SNRNP70: variants seen among roughly 807,000 people sequenced by gnomAD.
SNRNP70 encodes U1 small nuclear ribonucleoprotein 70 kDa.
In SNRNP70, 8 loss-of-function variants were observed where a neutral mutation model predicts 50.5. The ratio of observed to expected loss-of-function variants is 0.16; its 90% CI spans 0.09 to 0.29. SNRNP70 has a LOEUF of 0.29. Ranked by LOEUF, SNRNP70 falls within the 10% of genes least tolerant of loss-of-function variation. The pLI, the probability that SNRNP70 is intolerant of heterozygous loss-of-function variation, is 1.00. For synonymous variants in SNRNP70, 320 were observed against 252.9 expected (o/e 1.27, Z -2.52); for missense variants, 529 against 663.5 (o/e 0.80, Z 2.23).
rs1382599939 is a variant in SNRNP70 at position 49,090,606 on chromosome 19, C to T, written c.265+86C>T. 3.9e-6 allele frequency: 5 copies of T among 1,272,160 alleles called. No homozygotes were observed. In the East Asian group the frequency reaches 1.2e-4, roughly 30 times the overall value. The allele number at this position is 1,272,160 out of a possible 1,614,324, so 78.8% of individuals were successfully genotyped here. On this transcript the variant is annotated intron_variant, in intron 4 of 9. Transcript: ENST00000598441. ...GTCATACCCAGGACCCTGCTGTCTC[C>T]CTAAGGCCTGTGTTGTGGGGAACAG...
At position 49,104,558 on chromosome 19, in the gene SNRNP70, T is replaced by C; in HGVS notation, c.476-76T>C. On this transcript the variant is annotated intron_variant, in intron 7 of 9. Coordinates refer to ENST00000598441, the MANE Select transcript of SNRNP70 (RefSeq NM_003089.6). This position sits in a 1 kb window ranked among gnomAD's most constrained non-coding sequence, Gnocchi z 5.4. ...TGATGGGGACACGGGGCGGGGATTC[T>C]GTAGAGCTGGGCCTGTCCTGACTAG... 8.9e-7 allele frequency: 1 copy of C among 1,125,030 alleles called. No homozygotes were observed. Among genetic ancestry groups the C allele is most frequent in the South Asian group, 1.3e-5 (1 of 75,354 alleles). 69.7% of individuals were successfully genotyped at this position (1,125,030 alleles called of 1,614,324 possible). A position where few individuals can be genotyped will look rare whatever the true frequency, so the allele number is the denominator to read the frequency against.
At chr19:49,102,744 T>G (rs2040605924) in intron 7 of SNRNP70, 1 of 153,056 alleles carries the variant, frequency 6.5e-6, no homozygotes. Flanking sequence ...GCTTGGGGTG[T>G]GGGAGGGACC....
At position 49,096,595 on chromosome 19, in the gene SNRNP70, G is replaced by C. The variant is rs1050176946; in HGVS notation, c.266-1832G>C. The stretch of plus-strand genomic sequence containing the variant: ...AGCCTGGCCAACATAGTGAAACCCC[G>C]TCTCTACTAAAAATACAAAAGATTA... On this transcript the variant is annotated intron_variant, in intron 4 of 9. Transcript: ENST00000598441. 2.6e-4 allele frequency among the ~76,000 whole-genome samples: 37 copies of C among 143,588 alleles called. No homozygotes were observed. In the Admixed American group the frequency reaches 2.6e-3, roughly 10 times the overall value. The allele number at this position is 143,588 out of a possible 152,430, so 94.2% of individuals were successfully genotyped here.
At position 49,108,355 on chromosome 19, in the gene SNRNP70, A is replaced by G; in HGVS notation, c.1226A>G (p.Asp409Gly). The change falls in exon 10 of 10, where the codon GAC (aspartate) becomes GGC (glycine). Residue 409 changes from aspartate to glycine, a missense_variant. This residue lies in a region of SNRNP70 where 327 missense variants were observed against 308.8 expected (regional missense o/e 1.06). Transcript: ENST00000598441. Reference sequence around the variant, plus strand: ...AACGGGCTGGAGGGTCTGGGCAACGACAGCCGAGACATGTACATGGAGTCT... The same window carrying G: ...AACGGGCTGGAGGGTCTGGGCAACGGCAGCCGAGACATGTACATGGAGTCT... ...QDNGLEGLGN[D>G]SRDMYMESEG... 1.9e-6 allele frequency: 3 copies of G among 1,608,754 alleles called. No homozygotes were observed. In the South Asian group the frequency reaches 3.3e-5, roughly 18 times the overall value.
At chr19:49,098,606 G>C in intron 5 of SNRNP70, 36 bp from the exon 6 acceptor site, 7 of 1,605,994 alleles carry the variant, frequency 4.4e-6, no homozygotes, top group Non-Finnish European at 6.0e-6. Flanking sequence ...GGACAGCTCT[G>C]TTCTCCCATT....
chr19:49,092,638 A>C (rs928963966), intron 4 of SNRNP70, among the ~76,000 whole-genome samples: 1 of 144,576 alleles, frequency 6.9e-6, no homozygotes, highest in African/African-American at 2.6e-5. Flanking sequence ...CGAACTCCTG[A>C]CCTCAGGTGA....
At chr19:49,102,176 T>C (rs1381884635) in intron 7 of SNRNP70, 1 of 1,289,482 alleles carries the variant, frequency 7.8e-7, no homozygotes, top group East Asian at 5.6e-5. Flanking sequence ...AGTGTATGGT[T>C]GGTATAAGGG....
Position 49,086,552 on chromosome 19 carries a change from A to G in SNRNP70, c.138A>G (p.Arg46=), listed in dbSNP as rs777820434. 1.2e-6 allele frequency: 2 copies of G among 1,613,696 alleles called. No homozygotes were observed. Among genetic ancestry groups the G allele is most frequent in the African/African-American group, 1.3e-5 (1 of 74,836 alleles). ...ATTGTGGCATTGCGCCGTACATTCG[A>G]GAGTTTGAGGTGAGTTCACTGAGCA... ...QPYCGIAPYI[R]EFEDPRDAPP... The change falls in exon 2 of 10, where the codon CGA becomes CGG. Residue 46 remains arginine (R), a synonymous_variant. Coordinates refer to ENST00000598441, the MANE Select transcript of SNRNP70 (RefSeq NM_003089.6).
At chr19:49,090,375 A>AC in intron 3 of SNRNP70, 22 bp downstream of exon 3, 1 of 1,613,550 alleles carries the variant, frequency 6.2e-7, no homozygotes, top group African/African-American at 1.3e-5. Context: ...TTGCTTCCTG[A>AC]CCCCCTGTTT....
intron 7 of SNRNP70, chr19:49,102,166 A>G (rs963765703): frequency 1.6e-6 from 2 of 1,289,330 alleles, no homozygotes; most frequent in African/African-American, 3.0e-5. Context: ...ACAACACCTC[A>G]GTGTATGGTT....
At chr19:49,089,156 A>ATAGAAT (rs1303372879) in intron 2 of SNRNP70, among the ~76,000 whole-genome samples, 2 of 152,178 alleles carry the variant, frequency 1.3e-5, no homozygotes, top group African/African-American at 4.8e-5. Flanking sequence ...GATAAATATG[A>ATAGAAT]TAGAATTACT....
At position 49,108,185 on chromosome 19, in the gene SNRNP70, G is replaced by A; in HGVS notation, c.1056G>A (p.Arg352=). Residue 352 remains arginine, a synonymous_variant, in exon 10 of 10, where the codon CGG becomes CGA. Transcript: ENST00000598441. ...GPEEKGRDRD[R]ERRRSHRSER... is the part of the protein sequence containing the mutation. The stretch of plus-strand genomic sequence containing the variant: ...AGGAAAAGGGCCGGGATCGTGACCG[G>A]GAGCGACGGCGGAGCCACCGGAGCG... 6.5e-7 allele frequency: 1 copy of A among 1,537,030 alleles called. No homozygotes were observed. The highest frequency in any genetic ancestry group is 8.8e-7 in the Non-Finnish European group (1 of 1,140,762).
chr19:49,101,309 C>A, intron 6 of SNRNP70, 81 bp from the exon 7 acceptor site: 1 of 1,014,040 alleles, frequency 9.9e-7, no homozygotes, highest in East Asian at 2.4e-5. Context: ...GGCCCAGGGC[C>A]TGGTGTGCAG....
At chr19:49,086,643 T>G (rs2040383978) in intron 2 of SNRNP70, 82 bp downstream of exon 2, 3 of 1,331,460 alleles carry the variant, frequency 2.3e-6, no homozygotes, top group East Asian at 4.7e-5. Context: ...TCTGGCCATT[T>G]TGCCAGCTGC....
chr19:49,088,302 A>G (rs2040407642), intron 2 of SNRNP70, among the ~76,000 whole-genome samples: 1 of 141,714 alleles, frequency 7.1e-6, no homozygotes, highest in Non-Finnish European at 1.5e-5. Flanking sequence ...TCCCGGGTTC[A>G]TGCCATTCTC....
chr19:49,099,617 T>C (rs933846093), intron 6 of SNRNP70, among the ~76,000 whole-genome samples: 1 of 150,204 alleles, frequency 6.7e-6, no homozygotes, highest in South Asian at 2.1e-4. Context: ...CGGGCGCCCG[T>C]AATCCCAGCT....
rs186709719 is a variant in SNRNP70, at chr19:49,086,181, C to T, written c.-10-224C>T. 1.8e-3 allele frequency among the ~76,000 whole-genome samples: 272 copies of T among 152,308 alleles called. 4 individuals carry two copies. The highest frequency in any genetic ancestry group is 6.3e-3 in the African/African-American group (263 of 41,562). On this transcript the variant is annotated intron_variant, in intron 1 of 9. Coordinates refer to ENST00000598441, the MANE Select transcript of SNRNP70 (RefSeq NM_003089.6). ...CTCTGAGACTTCACTCTTCAGGAAC[C>T]CTTTTCCAGCCGTTATTTTTGTTTT... is the stretch of plus-strand genomic sequence containing the variant.
chr19:49,103,758 C>T (rs2040623544), intron 7 of SNRNP70: 1 of 152,586 alleles, frequency 6.6e-6, no homozygotes, highest in Non-Finnish European at 1.5e-5. Flanking sequence ...GCCAGGGCCT[C>T]AGGCTTGCCT....
At chr19:49,089,519 T>G (rs1268887326) in intron 2 of SNRNP70, among the ~76,000 whole-genome samples, 1 of 152,036 alleles carries the variant, frequency 6.6e-6, no homozygotes, top group East Asian at 1.9e-4. Flanking sequence ...AAATTTGTAT[T>G]AAGAGTCAGT....
Sources: gnomAD v4.1 joint callset for allele counts (sites outside exome capture counted in the v4.1 genomes callset) on GRCh38, gnomAD v4.1.1 for gene constraint, gnomAD v4.1.1 regional missense constraint, Gnocchi (gnomAD v3.1) non-coding constraint, MANE v1.5 for transcripts, NCBI Gene and HGNC (gene_info 2026-07-23, HGNC 2026-07-21) for gene names.